Variants in NSUN6 observed in about 807,000 individuals in gnomAD.
The protein encoded by NSUN6 is NOP2/Sun RNA methyltransferase 6, also known as tRNA (cytosine(72)-C(5))-methyltransferase NSUN6.
A neutral mutation model predicts 58.0 loss-of-function variants in NSUN6; 64 were observed. That is an observed-to-expected ratio of 1.10 (90% CI 0.90 to 1.36). The LOEUF (loss-of-function observed/expected upper bound fraction) is 1.36. Ranked by LOEUF, NSUN6 falls within the 40% of genes most tolerant of loss-of-function variation. NSUN6 has a pLI of 0.00. For synonymous variants in NSUN6, 231 were observed against 193.9 expected (o/e 1.19, Z -1.59); for missense variants, 701 against 550.1 (o/e 1.27, Z -2.74).
At chr10:18,554,568 G>GTGGAATGGAATGGAACAGAGAATGGAA (rs2054844015) in intron 8 of NSUN6, among the ~76,000 whole-genome samples, 1 of 150,630 alleles carries the variant, frequency 6.6e-6, no homozygotes, top group Non-Finnish European at 1.5e-5. Flanking sequence ...ATGGAATGGA[G>GTGGAATGGAATGGAACAGAGAATGGAA]TGGAATGGAA....
chr10:18,603,469 T>G (rs1391007905), intron 6 of NSUN6, among the ~76,000 whole-genome samples: 2 of 135,540 alleles, frequency 1.5e-5, no homozygotes, highest in South Asian at 4.5e-4. Context: ...TTTTCTTTTC[T>G]TTTCTTTTCT....
At chr10:18,639,529 ATACT>A (rs1398414352) in intron 3 of NSUN6, among the ~76,000 whole-genome samples, 1 of 152,116 alleles carries the variant, frequency 6.6e-6, no homozygotes, top group East Asian at 1.9e-4. Context: ...TTAAAAACAG[ATACT>A]TAATAAAAAT....
chr10:18,582,649 A>G (rs1018403675), intron 8 of NSUN6, among the ~76,000 whole-genome samples: 3 of 152,244 alleles, frequency 2.0e-5, no homozygotes. Context: ...TGAAAAGAAT[A>G]AAGCAATCAA....
At chr10:18,623,752 T>C (rs2058690660) in intron 3 of NSUN6, among the ~76,000 whole-genome samples, 1 of 151,964 alleles carries the variant, frequency 6.6e-6, no homozygotes, top group Non-Finnish European at 1.5e-5. Context: ...TGACTTAAGT[T>C]ATCTAAGCAG....
At chr10:18,598,308 G>A (rs1369397360) in intron 6 of NSUN6, among the ~76,000 whole-genome samples, 2 of 152,160 alleles carry the variant, frequency 1.3e-5, no homozygotes, top group African/African-American at 2.4e-5. Flanking sequence ...TTCAGACTCA[G>A]CCCGCCTGCA....
chr10:18,590,383 A>T (rs2057334129), intron 7 of NSUN6, among the ~76,000 whole-genome samples: 1 of 152,044 alleles, frequency 6.6e-6, no homozygotes, highest in Admixed American at 6.6e-5. Context: ...CAGGACATGA[A>T]CTCACCTCTG....
At chr10:18,571,240 A>G (rs2056342904) in intron 8 of NSUN6, among the ~76,000 whole-genome samples, 1 of 145,948 alleles carries the variant, frequency 6.9e-6, no homozygotes. Context: ...TCTTCATTCC[A>G]TTCCATTCTC....
At chr10:18,631,025 T>G (rs541535036) in intron 3 of NSUN6, among the ~76,000 whole-genome samples, 239 of 151,964 alleles carry the variant, frequency 1.6e-3, no homozygotes, top group African/African-American at 5.4e-3. Flanking sequence ...GCAAACCGAA[T>G]CCAGCAGCAC....
At chr10:18,548,970 T>C (rs966652265) in intron 9 of NSUN6, among the ~76,000 whole-genome samples, 7 of 152,288 alleles carry the variant, frequency 4.6e-5, no homozygotes, top group East Asian at 3.9e-4. Context: ...TCCACTATCA[T>C]TGTGGTCCAA....
chr10:18,652,218 T>A (rs927745556), upstream of NSUN6: 1 of 979,502 alleles, frequency 1.0e-6, no homozygotes, highest in African/African-American at 1.8e-5. Flanking sequence ...CTCGCCATTA[T>A]TTTTTTTTCT....
intron 3 of NSUN6, among the ~76,000 whole-genome samples, chr10:18,618,682 CAAAAAAA>C (rs35116933): frequency 1.7e-4 from 9 of 51,488 alleles, no homozygotes; most frequent in East Asian, 1.3e-3. Context: ...AACTCCATCT[CAAAAAAA>C]AAAAAAAAAA....
chr10:18,640,755 T>C (rs1037829385), intron 3 of NSUN6, among the ~76,000 whole-genome samples: 3 of 152,200 alleles, frequency 2.0e-5, no homozygotes, highest in Admixed American at 6.5e-5. Flanking sequence ...TATGTAACTT[T>C]CACCTTTAAA....
intron 7 of NSUN6, 54 bp from the exon 8 acceptor site, chr10:18,586,147 C>T: frequency 2.2e-6 from 3 of 1,350,170 alleles, no homozygotes; most frequent in Non-Finnish European, 3.0e-6. Flanking sequence ...AATTATAAAT[C>T]CAAAGCAGTC....
intron 3 of NSUN6, among the ~76,000 whole-genome samples, chr10:18,627,444 C>T (rs1462728318): frequency 2.0e-5 from 3 of 152,226 alleles, no homozygotes; most frequent in Admixed American, 6.5e-5. Flanking sequence ...CGGTCTACAG[C>T]TCCCAGCGTG....
At chr10:18,602,901 T>G (rs569349157) in intron 6 of NSUN6, among the ~76,000 whole-genome samples, 187 of 152,308 alleles carry the variant, frequency 1.2e-3, no homozygotes, top group African/African-American at 4.1e-3. Flanking sequence ...TAAGTCAAAG[T>G]TATTTATGAG....
At chr10:18,571,365 T>C (rs751518331) in intron 8 of NSUN6, among the ~76,000 whole-genome samples, 9 of 150,920 alleles carry the variant, frequency 6.0e-5, no homozygotes, top group Non-Finnish European at 1.3e-4. Context: ...CCACTCTCCA[T>C]TCCAGTTCAA....
intron 8 of NSUN6, among the ~76,000 whole-genome samples, chr10:18,563,337 G>C (rs1256059093): frequency 6.6e-6 from 1 of 151,206 alleles, no homozygotes; most frequent in Non-Finnish European, 1.5e-5. Context: ...TTACAGAATG[G>C]AATAGAATAG....
chr10:18,559,803 A>G (rs1157180515), intron 8 of NSUN6, among the ~76,000 whole-genome samples: 2 of 128,410 alleles, frequency 1.6e-5, no homozygotes, highest in Non-Finnish European at 3.5e-5. Context: ...AATGGAGAAT[A>G]GAATGGAAAA....
chr10:18,645,224 C>T (rs1311891569), intron 2 of NSUN6, among the ~76,000 whole-genome samples: 1 of 149,274 alleles, frequency 6.7e-6, no homozygotes, highest in East Asian at 2.0e-4. Flanking sequence ...AATTCAGAGT[C>T]AGGAATGATA....
Sources: allele counts gnomAD v4.1 joint callset (sites outside exome capture counted in the v4.1 genomes callset), GRCh38; gene constraint gnomAD v4.1.1; transcripts MANE v1.5; gene names NCBI Gene and HGNC (gene_info 2026-07-23, HGNC 2026-07-21).